Variants in USP50 observed in about 807,000 individuals in gnomAD.
USP50 encodes the protein ubiquitin specific peptidase 50.
A neutral mutation model predicts 39.2 loss-of-function variants in USP50; 37 were observed. That is an observed-to-expected ratio of 0.94 (90% CI 0.73 to 1.24). The LOEUF is 1.24. USP50 is among the 50% of genes most tolerant of loss of function. The pLI is 0.00. For synonymous variants in USP50, 139 were observed against 144.5 expected, an observed-to-expected ratio of 0.96 and a Z score of 0.27; for missense variants, 374 against 398.2, an observed-to-expected ratio of 0.94 and a Z score of 0.52.
At chr15:50,500,961 A>C (rs2141336832) in intron 6 of USP50, 124 bp from the exon 7 acceptor site, 1 of 836,700 alleles carries the variant, frequency 1.2e-6, no homozygotes, top group Non-Finnish European at 1.9e-6. Context: ...GGAAGTGATA[A>C]TTTTGTTGTT....
chr15:50,517,244 G>A (rs1482791382), intron 6 of USP50, among the ~76,000 whole-genome samples: 1 of 152,124 alleles, frequency 6.6e-6, no homozygotes, highest in Non-Finnish European at 1.5e-5. Context: ...GCTGAGGCAG[G>A]TGGATCACTT....
intron 5 of USP50, chr15:50,532,026 C>T: frequency 2.4e-6 from 1 of 424,940 alleles, no homozygotes; most frequent in Non-Finnish European, 4.7e-6. Flanking sequence ...GCCAAAACTG[C>T]CGAGCAGAAA....
At chr15:50,538,657 C>T (rs1178605362) in intron 5 of USP50, 52 bp downstream of exon 5, 4 of 1,466,634 alleles carry the variant, frequency 2.7e-6, no homozygotes, top group Non-Finnish European at 3.6e-6. Flanking sequence ...TGAATTTTAT[C>T]TCTATAAGGC....
chr15:50,510,601 T>C (rs759919004), intron 6 of USP50: 1 of 152,214 alleles, frequency 6.6e-6, no homozygotes, highest in Non-Finnish European at 1.5e-5. Context: ...AAGGGATTAT[T>C]TTGATCTATG....
At chr15:50,504,864 C>T (rs3131612) in intron 6 of USP50, 33,574 of 151,792 alleles carry the variant, frequency 0.22, 4,066 homozygotes, top group East Asian at 0.47. Flanking sequence ...CACCTGTAAT[C>T]CCAGCTACTT....
intron 5 of USP50, among the ~76,000 whole-genome samples, chr15:50,535,162 C>CA (rs1232404600): frequency 1.3e-5 from 2 of 151,906 alleles, no homozygotes; most frequent in Admixed American, 6.6e-5. Flanking sequence ...CACACACACA[C>CA]ACAAAAATTG....
intron 1 of USP50, among the ~76,000 whole-genome samples, chr15:50,494,901 G>C (rs559991794): frequency 3.3e-5 from 5 of 151,946 alleles, no homozygotes; most frequent in Non-Finnish European, 7.4e-5. Context: ...TGTAATCCCA[G>C]CTACTCAGGT....
At chr15:50,531,109 G>A (rs1596016554) in intron 5 of USP50, among the ~76,000 whole-genome samples, 1 of 152,194 alleles carries the variant, frequency 6.6e-6, no homozygotes, top group African/African-American at 2.4e-5. Flanking sequence ...GGAGGTCTGA[G>A]GCCGGGAAAT....
intron 4 of USP50, 40 bp downstream of exon 4, chr15:50,541,009 G>C (rs376243421): frequency 1.6e-4 from 235 of 1,502,852 alleles, no homozygotes; most frequent in Non-Finnish European, 2.1e-4. Flanking sequence ...GGGGCTGAGA[G>C]TATAGCGAGA....
At chr15:50,496,553 A>G (rs1361960434), downstream of USP50, among the ~76,000 whole-genome samples, 1 of 151,092 alleles carries the variant, frequency 6.6e-6, no homozygotes, top group Non-Finnish European at 1.5e-5. Flanking sequence ...AGGCCTATGT[A>G]GATTAGAAAG....
chr15:50,529,708 G>C, intron 6 of USP50, 89 bp downstream of exon 6: 1 of 1,443,358 alleles, frequency 6.9e-7, no homozygotes, highest in East Asian at 2.3e-5. Context: ...GCATAAGCCA[G>C]GGAGAGACAG....
At chr15:50,524,806 CA>C (rs1458110892) in intron 6 of USP50, among the ~76,000 whole-genome samples, 1 of 151,984 alleles carries the variant, frequency 6.6e-6, no homozygotes, top group Non-Finnish European at 1.5e-5. Flanking sequence ...CCTGGGAGTT[CA>C]AGGCTGCAGT....
intron 5 of USP50, among the ~76,000 whole-genome samples, chr15:50,534,309 A>G (rs1333773592): frequency 6.6e-6 from 1 of 152,196 alleles, no homozygotes; most frequent in Non-Finnish European, 1.5e-5. Flanking sequence ...TTGTAAATGT[A>G]TATTGCAAAC....
Position 50,544,721 on chromosome 15 carries a change from G to C in USP50, c.114C>G (p.Pro38=). The change falls in exon 2 of 7, where the codon CCC becomes CCG. Residue 38 remains proline (P), a synonymous_variant. Transcript: ENST00000532404. ...LPVKEADGNQ[P]HFQGVTGLWN... is the part of the protein sequence containing the mutation. ...ACAAGCCAGTGACACCCTGAAAATGGGGCTGGTTCCCATCAGCCTCCTTAA... is the reference window on the plus strand; with the variant it reads ...ACAAGCCAGTGACACCCTGAAAATGCGGCTGGTTCCCATCAGCCTCCTTAA... 6.2e-7 allele frequency: 1 copy of C among 1,614,014 alleles called. No individual in the cohort carries two copies. Among genetic ancestry groups the C allele is most frequent in the Non-Finnish European group, 8.5e-7 (1 of 1,179,900 alleles).
Position 50,514,840 on chromosome 15 carries a change from T to A in USP50, c.937-14003A>T, listed in dbSNP as rs1056715490. 1.2e-3 allele frequency among the ~76,000 whole-genome samples: 175 copies of A among 151,774 alleles called. 1 individual carries two copies. The highest frequency in any genetic ancestry group is 2.0e-3 in the Non-Finnish European group (137 of 67,898). Reference sequence around the variant, plus strand: ...ACCACCCCTGGCCTACAAATTTTTTTAAAAAATTAGCTGGGCATGATGGCA... The same window carrying A: ...ACCACCCCTGGCCTACAAATTTTTTAAAAAAATTAGCTGGGCATGATGGCA... On this transcript the variant is annotated intron_variant, in intron 6 of 6. Transcript: ENST00000532404.
At chr15:50,523,290 C>T (rs1192228155) in intron 6 of USP50, among the ~76,000 whole-genome samples, 1 of 149,934 alleles carries the variant, frequency 6.7e-6, no homozygotes, top group Non-Finnish European at 1.5e-5. Flanking sequence ...GCGATCCTCC[C>T]ACATCAGCCT....
chr15:50,521,091 G>A (rs1334307262), intron 6 of USP50, among the ~76,000 whole-genome samples: 2 of 152,120 alleles, frequency 1.3e-5, no homozygotes, highest in Non-Finnish European at 2.9e-5. Context: ...GCCCAGGCTG[G>A]AGTACAAAGG....
At chr15:50,530,322 C>T (rs1445518764) in intron 5 of USP50, among the ~76,000 whole-genome samples, 2 of 151,024 alleles carry the variant, frequency 1.3e-5, no homozygotes, top group Non-Finnish European at 2.9e-5. Context: ...GTGGCTCACG[C>T]CTGTAATCCT....
intron 6 of USP50, among the ~76,000 whole-genome samples, chr15:50,527,685 G>A (rs972207140): frequency 2.4e-4 from 36 of 150,390 alleles, no homozygotes; most frequent in African/African-American, 7.1e-4. Flanking sequence ...GCTCAGGCTA[G>A]AGTACAGTGG....
Sources: gnomAD v4.1 joint callset for allele counts (sites outside exome capture counted in the v4.1 genomes callset) on GRCh38, gnomAD v4.1.1 for gene constraint, MANE v1.5 for transcripts, NCBI Gene and HGNC (gene_info 2026-07-23, HGNC 2026-07-21) for gene names.